The following SLC4A8 variants were observed in gnomAD, a reference collection of about 807,000 sequenced individuals.
SLC4A8 encodes solute carrier family 4 member 8.
A neutral mutation model predicts 125.0 loss-of-function variants in SLC4A8; 40 were observed. The ratio of observed to expected loss-of-function variants is 0.32; its 90% CI spans 0.25 to 0.42. The LOEUF (loss-of-function observed/expected upper bound fraction) is 0.42, where lower values mean the gene tolerates loss of function less well. Among genes scored for constraint, SLC4A8 ranks in the 10% least tolerant of loss-of-function variants. The pLI, the probability that SLC4A8 is intolerant of heterozygous loss-of-function variation, is 1.00. For synonymous variants in SLC4A8, 456 were observed against 476.0 expected, an observed-to-expected ratio of 0.96 and a Z score of 0.55; for missense variants, 863 against 1,355.1, an observed-to-expected ratio of 0.64 and a Z score of 5.70.
intron 1 of SLC4A8, among the ~76,000 whole-genome samples, chr12:51,418,999 G>T (rs1469959119): frequency 6.6e-6 from 1 of 152,178 alleles, no homozygotes; most frequent in African/African-American, 2.4e-5. Context: ...CTGGGCTTTT[G>T]CTGGTGGGGG....
intron 2 of SLC4A8, among the ~76,000 whole-genome samples, chr12:51,443,597 T>A (rs1185473442): frequency 6.6e-6 from 1 of 152,190 alleles, no homozygotes; most frequent in Non-Finnish European, 1.5e-5. Context: ...AGATCATTAT[T>A]CCTGATTAAC....
At position 51,514,148 on chromosome 12, in the gene SLC4A8, A is replaced by G. The variant is rs144863597; in HGVS notation, c.*6710A>G. On this transcript the variant is annotated 3_prime_UTR_variant, in exon 25 of 25. Transcript: ENST00000453097. ...ATCAGCTTCTCTAAATTTATTTTGT[A>G]AGGAAGTTAGCACCTCCTTCCAGGA... is the stretch of plus-strand genomic sequence containing the variant. The G allele has an allele frequency of 1.3e-5, 2 of 152,764 alleles. No individual in the cohort carries two copies. Among genetic ancestry groups the G allele is most frequent in the East Asian group, 3.9e-4 (2 of 5,194 alleles). The allele number at this position is 152,764 out of a possible 1,614,324, so 9.5% of individuals were successfully genotyped here. A position where few individuals can be genotyped will look rare whatever the true frequency, so the allele number is the denominator to read the frequency against.
At position 51,457,386 on chromosome 12, in the gene SLC4A8, C is replaced by A; in HGVS notation, c.610C>A (p.Leu204Met). 1 of 1,613,870 alleles carries A rather than the reference C, an allele frequency of 6.2e-7. No individual in the cohort carries two copies. The highest frequency in any genetic ancestry group is 8.5e-7 in the Non-Finnish European group (1 of 1,179,846). Reference sequence around the variant, plus strand: ...GGATCAGCAAGAACTGTCCAGTGACCTGAATGACAGCATGAGGGTTAAAGT... The same window carrying A: ...GGATCAGCAAGAACTGTCCAGTGACATGAATGACAGCATGAGGGTTAAAGT... ...ILDQQELSSD[L>M]NDSMRVKVRE... Residue 204 changes from leucine (L) to methionine (M), a missense_variant, in exon 6 of 25, where the codon CTG (leucine) becomes ATG (methionine). Leu to Met is a conservative substitution (Grantham distance 15). This residue lies in a region of SLC4A8 where 390 missense variants were observed against 634.4 expected (regional missense o/e 0.61). Coordinates refer to ENST00000453097, the MANE Select transcript of SLC4A8 (RefSeq NM_001039960.3).
At chr12:51,405,953 A>T in intron 1 of SLC4A8, among the ~76,000 whole-genome samples, 1 of 152,222 alleles carries the variant, frequency 6.6e-6, no homozygotes, top group East Asian at 1.9e-4. Flanking sequence ...GCCATAAAAT[A>T]GGGTGTGAGT....
chr12:51,421,173 T>A (rs901441324), upstream of SLC4A8, among the ~76,000 whole-genome samples: 1 of 152,194 alleles, frequency 6.6e-6, no homozygotes, highest in Non-Finnish European at 1.5e-5. Flanking sequence ...AGAAAAATAA[T>A]CAGTGTGAGG....
At chr12:51,480,610 A>C (rs1010018304) in intron 16 of SLC4A8, 9 of 985,400 alleles carry the variant, frequency 9.1e-6, no homozygotes, top group Admixed American at 6.1e-5. Context: ...GGAAAACATA[A>C]TGTGTCAAAA....
chr12:51,477,860 G>A (rs1456696017), intron 16 of SLC4A8, among the ~76,000 whole-genome samples: 1 of 152,164 alleles, frequency 6.6e-6, no homozygotes, highest in African/African-American at 2.4e-5. Context: ...CAGGCATGGT[G>A]GCTTACATCT....
rs528745297 is a variant in SLC4A8, at chr12:51,494,188, G to T, written c.2769+416G>T. 2.1e-4 allele frequency among the ~76,000 whole-genome samples: 32 copies of T among 152,242 alleles called. No homozygotes were observed. In the South Asian group the frequency reaches 6.6e-3, roughly 32 times the overall value. ...ATGGGGTGTTTAACTTTGGGAGAGG[G>T]TTCATTGGCAGAAGAGATAGGGGAA... On this transcript the variant is annotated intron_variant, in intron 20 of 24. Transcript: ENST00000453097.
intron 12 of SLC4A8, 70 bp downstream of exon 12, chr12:51,469,858 C>A: frequency 1.4e-6 from 2 of 1,471,916 alleles, no homozygotes; most frequent in Non-Finnish European, 1.9e-6. Flanking sequence ...GCCAGGTCCA[C>A]TGTGGGGGAA....
At chr12:51,496,933 T>G in intron 21 of SLC4A8, 54 bp from the exon 22 acceptor site, 1 of 1,581,098 alleles carries the variant, frequency 6.3e-7, no homozygotes, top group Non-Finnish European at 8.6e-7. Flanking sequence ...TGCTTTTAAG[T>G]CCAGGAAGGA....
At chr12:51,430,948 A>G (rs929070743) in intron 1 of SLC4A8, among the ~76,000 whole-genome samples, 2 of 152,244 alleles carry the variant, frequency 1.3e-5, no homozygotes, top group Non-Finnish European at 1.5e-5. Flanking sequence ...CTTAAAAAAC[A>G]CAAATTTATC....
chr12:51,420,433 T>A (rs1425895546), upstream of SLC4A8, among the ~76,000 whole-genome samples: 2 of 152,234 alleles, frequency 1.3e-5, no homozygotes, highest in East Asian at 1.9e-4. Context: ...TTTGCGTTTC[T>A]TATATTTGTG....
chr12:51,435,229 A>G (rs1043279279), intron 1 of SLC4A8, among the ~76,000 whole-genome samples: 8 of 152,184 alleles, frequency 5.3e-5, no homozygotes, highest in Admixed American at 5.2e-4. Context: ...TTGTGATGTT[A>G]GTGGCTGTTG....
At chr12:51,396,925 ATTTTTTTTTTTT>A (rs753146267) in intron 1 of SLC4A8, among the ~76,000 whole-genome samples, 4 of 106,314 alleles carry the variant, frequency 3.8e-5, no homozygotes, top group African/African-American at 7.4e-5. Flanking sequence ...GCCTTAGTTA[ATTTTTTTTTTTT>A]TTTTTTTTTT....
chr12:51,437,188 A>G (rs994407754), intron 1 of SLC4A8, among the ~76,000 whole-genome samples: 19 of 152,324 alleles, frequency 1.2e-4, no homozygotes, highest in Middle Eastern at 3.4e-3. Flanking sequence ...CTTTATTTCA[A>G]TCTTCCCATT....
Position 51,505,863 on chromosome 12 carries a change from G to T in SLC4A8, c.3202G>T (p.Asp1068Tyr). 6.3e-7 allele frequency: 1 copy of T among 1,578,858 alleles called. No individual in the cohort carries two copies. Among genetic ancestry groups the T allele is most frequent in the East Asian group, 2.2e-5 (1 of 44,700 alleles). Residue 1068 changes from aspartate (D) to tyrosine (Y), a missense_variant, in exon 24 of 25, where the codon GAT (aspartate) becomes TAT (tyrosine). By Grantham distance (160) the Asp-to-Tyr change is radical. Coordinates refer to ENST00000453097, the MANE Select transcript of SLC4A8 (RefSeq NM_001039960.3). ...RCDPSEINIS[D>Y]EMPKTTVWKA... The stretch of plus-strand genomic sequence containing the variant: ...TGACCCCTCTGAGATTAATATATCT[G>T]ATGAAATGCCTAAAACTACAGTTTG...
intron 22 of SLC4A8, among the ~76,000 whole-genome samples, chr12:51,503,210 TA>T (rs1223756963): frequency 6.6e-6 from 1 of 150,904 alleles, no homozygotes; most frequent in African/African-American, 2.4e-5. Context: ...GGATTATTAT[TA>T]TTTTTTTATT....
rs185956991 is a variant in SLC4A8, at chr12:51,458,118, A to G, written c.764-441A>G. Among the ~76,000 whole-genome samples the G allele has an allele frequency of 3.9e-3, 587 of 152,310 alleles. 7 individuals carry two copies. The highest frequency in any genetic ancestry group is 0.018 in the South Asian group (85 of 4,828). ...TTAGCCAGATGCATGGTGGATTATA[A>G]TCACTCAGAATTTTGGCTACTGATT... On this transcript the variant is annotated intron_variant, in intron 6 of 24. Coordinates refer to ENST00000453097, the MANE Select transcript of SLC4A8 (RefSeq NM_001039960.3).
chr12:51,479,682 C>CAA (rs759517132), intron 16 of SLC4A8, among the ~76,000 whole-genome samples: 1 of 39,200 alleles, frequency 2.6e-5, no homozygotes, highest in African/African-American at 1.1e-4. Context: ...GACTTGGTCT[C>CAA]AAAAAAAAAA....
Sources: gnomAD v4.1 joint callset for allele counts (sites outside exome capture counted in the v4.1 genomes callset) on GRCh38, gnomAD v4.1.1 for gene constraint, gnomAD v4.1.1 regional missense constraint, MANE v1.5 for transcripts, NCBI Gene and HGNC (gene_info 2026-07-23, HGNC 2026-07-21) for gene names.